The following FGF14 variants were observed in gnomAD, a reference collection of about 807,000 sequenced individuals.
FGF14 encodes the protein fibroblast growth factor 14, also known as fibroblast growth factor homologous factor 4.
Under a neutral mutation model 25.5 loss-of-function variants are expected in FGF14, and 5 were observed. The ratio of observed to expected loss-of-function variants is 0.20; its 90% CI spans 0.10 to 0.41. The LOEUF is 0.41. Among genes scored for constraint, FGF14 ranks in the 10% least tolerant of loss-of-function variants. The probability of loss-of-function intolerance (pLI) is 1.00; values close to 1 mark genes in which losing one functional copy is unlikely to be tolerated. For missense variants in FGF14, 222 were observed against 320.1 expected, an observed-to-expected ratio of 0.69 and a Z score of 2.34; for synonymous variants, 138 against 118.3, an observed-to-expected ratio of 1.17 and a Z score of -1.08.
chr13:102,128,071 T>TAATGCGGTCTTCACTA (rs2046023204), intron 1 of FGF14, among the ~76,000 whole-genome samples: 6 of 152,162 alleles, frequency 3.9e-5, no homozygotes, highest in Admixed American at 3.9e-4. Flanking sequence ...TTCAGTGTCA[T>TAATGCGGTCTTCACTA]AATGCGGTCT....
chr13:101,876,461 A>G (rs2045399805), intron 1 of FGF14, among the ~76,000 whole-genome samples: 2 of 152,198 alleles, frequency 1.3e-5, no homozygotes, highest in African/African-American at 2.4e-5. Flanking sequence ...TTTGAGAGCT[A>G]TCCTTAAGCT....
At chr13:102,181,992 C>T (rs956889356) in intron 1 of FGF14, among the ~76,000 whole-genome samples, 4 of 152,114 alleles carry the variant, frequency 2.6e-5, no homozygotes, top group African/African-American at 4.8e-5. Context: ...ACTGTGAAAA[C>T]GTTTTTAAAT....
chr13:102,281,784 C>T (rs2053847719), intron 1 of FGF14, among the ~76,000 whole-genome samples: 1 of 151,494 alleles, frequency 6.6e-6, no homozygotes, highest in South Asian at 2.1e-4. Context: ...TCTCTCCCAG[C>T]TTCAAGCCTC....
At chr13:102,007,351 T>C (rs1309074685) in intron 1 of FGF14, among the ~76,000 whole-genome samples, 1 of 152,222 alleles carries the variant, frequency 6.6e-6, no homozygotes, top group African/African-American at 2.4e-5. Context: ...TATTAATAAA[T>C]CTGAGGTATG....
intron 1 of FGF14, among the ~76,000 whole-genome samples, chr13:102,076,396 C>A (rs1221716953): frequency 1.3e-5 from 2 of 152,154 alleles, no homozygotes; most frequent in East Asian, 3.9e-4. Context: ...GGCCTAGAAG[C>A]AATAGGCTAT....
intron 2 of FGF14, among the ~76,000 whole-genome samples, chr13:101,874,784 C>T (rs1293812380): frequency 1.3e-5 from 2 of 151,970 alleles, no homozygotes; most frequent in African/African-American, 4.8e-5. Context: ...TTCCTTGTAG[C>T]TTTTGAGTTT....
In FGF14 at chr13:101,868,749, A is replaced by G. The variant is rs41281646; in HGVS notation, c.384T>C (p.Asn128=). The change falls in exon 3 of 5, where the codon AAT becomes AAC. Residue 128 remains asparagine, a synonymous_variant. Coordinates refer to ENST00000376143, the MANE Select transcript of FGF14 (RefSeq NM_004115.4). The part of the protein sequence containing the change: ...GVKTGLYIAM[N]GEGYLYPSEL... ...CTGATGGGTAGAGGTAACCTTCTCC[A>G]TTCATGGCTATATACAACCCTGTTT... 774 of 1,612,564 alleles carry G rather than the reference A, an allele frequency of 4.8e-4. No homozygotes were observed. Among genetic ancestry groups the G allele is most frequent in the Non-Finnish European group, 6.2e-4 (728 of 1,178,612 alleles).
intron 1 of FGF14, among the ~76,000 whole-genome samples, chr13:101,899,909 A>C (rs1231464074): frequency 6.6e-6 from 1 of 152,152 alleles, no homozygotes; most frequent in Non-Finnish European, 1.5e-5. Context: ...AGTAGACTTA[A>C]TGTAATTGTC....
intron 1 of FGF14, among the ~76,000 whole-genome samples, chr13:101,912,932 A>T (rs2033099185): frequency 6.6e-6 from 1 of 152,124 alleles, no homozygotes; most frequent in Non-Finnish European, 1.5e-5. Context: ...GAGCCTATGA[A>T]GATGCAGAAA....
chr13:102,378,631 C>CTATCTATCTATCTATCTATA (rs757841395), intron 1 of FGF14, among the ~76,000 whole-genome samples: 1 of 141,826 alleles, frequency 7.1e-6, no homozygotes, highest in Non-Finnish European at 1.5e-5. Flanking sequence ...ATCTATCTAT[C>CTATCTATCTATCTATCTATA]TATATATATA....
chr13:102,353,451 T>C (rs1035462040), intron 1 of FGF14, among the ~76,000 whole-genome samples: 2 of 152,196 alleles, frequency 1.3e-5, no homozygotes, highest in African/African-American at 2.4e-5. Context: ...GCTTCTGACA[T>C]AGATACCCAA....
chr13:102,072,344 G>A (rs767885990), intron 1 of FGF14, among the ~76,000 whole-genome samples: 15 of 152,042 alleles, frequency 9.9e-5, no homozygotes, highest in Non-Finnish European at 1.9e-4. Flanking sequence ...AAATTGATTC[G>A]TAAACAATAA....
At chr13:102,233,115 T>C (rs1286997890) in intron 1 of FGF14, among the ~76,000 whole-genome samples, 2 of 152,036 alleles carry the variant, frequency 1.3e-5, no homozygotes, top group African/African-American at 4.8e-5. Flanking sequence ...TTCCTCAGCG[T>C]CTAATATGCC....
At chr13:102,125,953 G>A (rs1483103502) in intron 1 of FGF14, among the ~76,000 whole-genome samples, 1 of 152,084 alleles carries the variant, frequency 6.6e-6, no homozygotes, top group Non-Finnish European at 1.5e-5. Flanking sequence ...GGGAAAGCTT[G>A]CATGGAGATT....
At chr13:101,837,772 T>TGA (rs2042998142) in intron 3 of FGF14, among the ~76,000 whole-genome samples, 1 of 152,040 alleles carries the variant, frequency 6.6e-6, no homozygotes, top group Admixed American at 6.6e-5. Context: ...TGGTTAATAT[T>TGA]GTGTCAACTT....
intron 3 of FGF14, among the ~76,000 whole-genome samples, chr13:101,788,435 T>C (rs544592693): frequency 2.0e-5 from 3 of 152,260 alleles, no homozygotes; most frequent in Admixed American, 6.5e-5. Flanking sequence ...GGGAAACTTA[T>C]ACATGTGTGT....
At chr13:102,367,210 T>TG (rs2057739743) in intron 1 of FGF14, 1 of 152,212 alleles carries the variant, frequency 6.6e-6, no homozygotes, top group African/African-American at 2.4e-5. Flanking sequence ...GCTGTTAAGA[T>TG]GTTGGCCTGG....
At chr13:102,210,837 AC>A (rs1326246091) in intron 1 of FGF14, among the ~76,000 whole-genome samples, 1 of 152,196 alleles carries the variant, frequency 6.6e-6, no homozygotes, top group Non-Finnish European at 1.5e-5. Flanking sequence ...AATCCAACTC[AC>A]CAAACTCCAG....
At chr13:102,246,454 A>G (rs2051873710) in intron 1 of FGF14, among the ~76,000 whole-genome samples, 1 of 152,094 alleles carries the variant, frequency 6.6e-6, no homozygotes, top group African/African-American at 2.4e-5. Context: ...TTATATCCCA[A>G]CGCCATGCAA....
Sources: gnomAD v4.1 joint callset for allele counts (sites outside exome capture counted in the v4.1 genomes callset) on GRCh38, gnomAD v4.1.1 for gene constraint, MANE v1.5 for transcripts, NCBI Gene and HGNC (gene_info 2026-07-23, HGNC 2026-07-21) for gene names.